SLC35F3: variants seen among roughly 807,000 people sequenced by gnomAD.
SLC35F3 encodes solute carrier family 35 member F3.
In SLC35F3, 25 loss-of-function variants were observed where a neutral mutation model predicts 49.9. That is an observed-to-expected ratio of 0.50 (90% CI 0.37 to 0.70). The LOEUF is 0.70. SLC35F3 is among the 30% of genes least tolerant of loss of function. The probability of loss-of-function intolerance (pLI) is 0.00; values close to 1 mark genes in which losing one functional copy is unlikely to be tolerated. For synonymous variants in SLC35F3, 275 were observed against 265.4 expected (o/e 1.04, Z -0.35); for missense variants, 525 against 639.8 (o/e 0.82, Z 1.94).
At chr1:234,289,646 C>T (rs1045574945) in intron 3 of SLC35F3, among the ~76,000 whole-genome samples, 2 of 152,206 alleles carry the variant, frequency 1.3e-5, no homozygotes, top group Non-Finnish European at 2.9e-5. Context: ...AGTCCAAATT[C>T]ACATTAGCCA....
rs1248062409 is a variant in SLC35F3 at position 234,152,221 on chromosome 1, A to ATTG, written c.284-79194_284-79193insGTT. Among the ~76,000 whole-genome samples, 382 of 144,534 alleles carry ATTG rather than the reference A, an allele frequency of 2.6e-3. 4 individuals are homozygous for ATTG. Among genetic ancestry groups the ATTG allele is most frequent in the African/African-American group, 9.2e-3 (339 of 37,034 alleles). The allele number at this position is 144,534 out of a possible 152,430, so 94.8% of individuals were successfully genotyped here. On this transcript the variant is annotated intron_variant, in intron 2 of 7. Transcript: ENST00000366618. ...AAGAAAATGGAGTAACATTATTATT[A>ATTG]TTATTGTTATTATTATTATTATTAT...
Position 234,320,066 on chromosome 1 carries a change from A to G in SLC35F3, c.1148-32A>G, listed in dbSNP as rs755148816. ...GAGGTAAAGTACACAGCAGTCATGA[A>G]TAACACTCGTTGTTTACATTCTTTA... On this transcript the variant is annotated intron_variant, in intron 6 of 7. Coordinates refer to ENST00000366618, the MANE Select transcript of SLC35F3 (RefSeq NM_173508.4). The surrounding 1 kb of genome is among the most constrained non-coding windows in gnomAD (Gnocchi z 4.8). The G allele has an allele frequency of 6.7e-7, 1 of 1,483,798 alleles. No individual in the cohort carries two copies. The highest frequency in any genetic ancestry group is 1.1e-5 in the South Asian group (1 of 88,456). 91.9% of individuals were successfully genotyped at this position (1,483,798 alleles called of 1,614,324 possible). A position where few individuals can be genotyped will look rare whatever the true frequency, so the allele number is the denominator to read the frequency against.
chr1:234,294,584 T>G (rs183253198), intron 3 of SLC35F3, among the ~76,000 whole-genome samples: 2 of 152,330 alleles, frequency 1.3e-5, no homozygotes, highest in Non-Finnish European at 2.9e-5. Flanking sequence ...CCCTGCCAAC[T>G]GATAGTTCAC....
At chr1:234,132,298 C>A (rs1665748604) in intron 2 of SLC35F3, among the ~76,000 whole-genome samples, 1 of 152,156 alleles carries the variant, frequency 6.6e-6, no homozygotes, top group Non-Finnish European at 1.5e-5. Flanking sequence ...TTAAATTATA[C>A]CATTTTGTTA....
At chr1:234,072,919 G>T (rs1395503214) in intron 2 of SLC35F3, among the ~76,000 whole-genome samples, 2 of 152,164 alleles carry the variant, frequency 1.3e-5, no homozygotes, top group African/African-American at 4.8e-5. Flanking sequence ...GGTTTGAAAA[G>T]AATCACTTTG....
At chr1:234,312,079 G>T (rs1448179861) in intron 4 of SLC35F3, among the ~76,000 whole-genome samples, 1 of 152,174 alleles carries the variant, frequency 6.6e-6, no homozygotes, top group Non-Finnish European at 1.5e-5. Flanking sequence ...CAATTCTCTT[G>T]TTGGTGGATG....
chr1:234,180,457 G>C (rs1322163650), intron 2 of SLC35F3, among the ~76,000 whole-genome samples: 2 of 152,188 alleles, frequency 1.3e-5, no homozygotes, highest in Non-Finnish European at 2.9e-5. Context: ...ACTCCTCCCT[G>C]CTAAGTGAGA....
chr1:234,042,168 G>A (rs1372625343), intron 2 of SLC35F3, among the ~76,000 whole-genome samples: 2 of 152,180 alleles, frequency 1.3e-5, no homozygotes, highest in African/African-American at 4.8e-5. Flanking sequence ...AGAGTCAGAG[G>A]AAATGGTACA....
At chr1:234,286,568 A>G (rs1668424305) in intron 3 of SLC35F3, among the ~76,000 whole-genome samples, 2 of 152,216 alleles carry the variant, frequency 1.3e-5, no homozygotes, top group African/African-American at 4.8e-5. Flanking sequence ...TCTCTTCTGC[A>G]ATGACTGGAT....
rs139015544 is a variant in SLC35F3, at chr1:234,323,234, C to T, written c.1464C>T (p.Phe488=). Reference sequence around the variant, plus strand: ...AGAACAGAAGAGCCCGCCCTTCCTTCGCCCGCTAACACCACTCCTCTAGAA... The same window carrying T: ...AGAACAGAAGAGCCCGCCCTTCCTTTGCCCGCTAACACCACTCCTCTAGAA... ...QSKNRRARPS[F]AR is the part of the protein sequence containing the mutation. The change falls in exon 8 of 8, where the codon TTC becomes TTT. Residue 488 remains phenylalanine (F), a synonymous_variant. Transcript: ENST00000366618. This position sits in a 1 kb window ranked among gnomAD's most constrained non-coding sequence, Gnocchi z 4.5. 1 of 1,613,426 alleles carries T rather than the reference C, an allele frequency of 6.2e-7. No individual in the cohort carries two copies. The highest frequency in any genetic ancestry group is 1.3e-5 in the African/African-American group (1 of 74,868).
chr1:234,189,466 A>T (rs1286204080), intron 2 of SLC35F3, among the ~76,000 whole-genome samples: 1 of 151,424 alleles, frequency 6.6e-6, no homozygotes, highest in Non-Finnish European at 1.5e-5. Flanking sequence ...AGAAGAACGA[A>T]CTTCAGAGCT....
intron 2 of SLC35F3, among the ~76,000 whole-genome samples, chr1:234,220,515 A>G (rs1296001880): frequency 1.3e-5 from 2 of 152,170 alleles, no homozygotes; most frequent in Non-Finnish European, 2.9e-5. Context: ...TGCCTCATTT[A>G]GTCCTCACAA....
intron 2 of SLC35F3, among the ~76,000 whole-genome samples, chr1:233,962,663 T>A (rs184367645): frequency 6.6e-6 from 1 of 152,362 alleles, no homozygotes; most frequent in East Asian, 1.9e-4. Flanking sequence ...GTTGCTTCAT[T>A]CAACGTTTCA....
chr1:234,035,194 T>C (rs143049913), intron 2 of SLC35F3, among the ~76,000 whole-genome samples: 4 of 152,306 alleles, frequency 2.6e-5, no homozygotes, highest in Admixed American at 1.3e-4. Flanking sequence ...AAAGGGGGCA[T>C]GGAAGTACAT....
Position 233,948,428 on chromosome 1 carries a change from G to A in SLC35F3, c.283+42670G>A, listed in dbSNP as rs192632115. ...TCAGTGGTTTGCAATTGAGGTCAGC[G>A]TCTTCCCAAGCGAAGGGTTCAAGTG... On this transcript the variant is annotated intron_variant, in intron 2 of 7. Coordinates refer to ENST00000366618, the MANE Select transcript of SLC35F3 (RefSeq NM_173508.4). Among the ~76,000 whole-genome samples, 72 of 152,076 alleles carry A rather than the reference G, an allele frequency of 4.7e-4. 1 individual carries two copies. The East Asian group carries it at 8.2e-3, about 17-fold the overall frequency.
At chr1:234,205,661 C>T (rs1372904042) in intron 2 of SLC35F3, among the ~76,000 whole-genome samples, 2 of 152,230 alleles carry the variant, frequency 1.3e-5, no homozygotes, top group African/African-American at 4.8e-5. Flanking sequence ...TGCCAAGAGT[C>T]AAACCCAGTG....
rs186221206 is a variant in SLC35F3, at chr1:234,152,602, C to T, written c.284-78815C>T. On this transcript the variant is annotated intron_variant, in intron 2 of 7. Transcript: ENST00000366618. ...ATAGTATTCCGTGGTGTATATATGC[C>T]ACATTTTCTTTATCCATTCTATCAT... Among the ~76,000 whole-genome samples the T allele has an allele frequency of 7.2e-5, 11 of 152,172 alleles. No individual in the cohort carries two copies. In the East Asian group the frequency reaches 2.1e-3, roughly 29 times the overall value.
At chr1:234,005,145 G>T (rs1489774099) in intron 2 of SLC35F3, among the ~76,000 whole-genome samples, 2 of 151,988 alleles carry the variant, frequency 1.3e-5, no homozygotes, top group African/African-American at 4.8e-5. Context: ...ACCACAAGAG[G>T]TCAACCACTT....
In SLC35F3 at chr1:233,956,726, C is replaced by T. The variant is rs568016153; in HGVS notation, c.283+50968C>T. ...TGGGCGTGAGACATTTCCATTACCC[C>T]TCCAAGGGGGCTGCCTGCCAGCAAG... On this transcript the variant is annotated intron_variant, in intron 2 of 7. Coordinates refer to ENST00000366618, the MANE Select transcript of SLC35F3 (RefSeq NM_173508.4). Among the ~76,000 whole-genome samples the T allele has an allele frequency of 2.1e-3, 317 of 152,350 alleles. 2 individuals carry two copies. The highest frequency in any genetic ancestry group is 5.4e-3 in the African/African-American group (226 of 41,578).
Sources: gnomAD v4.1 joint callset for allele counts (sites outside exome capture counted in the v4.1 genomes callset) on GRCh38, gnomAD v4.1.1 for gene constraint, Gnocchi (gnomAD v3.1) non-coding constraint, MANE v1.5 for transcripts, NCBI Gene and HGNC (gene_info 2026-07-23, HGNC 2026-07-21) for gene names.